Variants in SEC24B observed in about 807,000 individuals in gnomAD.
The protein encoded by SEC24B is SEC24 homolog B, COPII component, also known as protein transport protein Sec24B.
In SEC24B, 45 loss-of-function variants were observed where a neutral mutation model predicts 142.8. The observed-to-expected ratio is 0.32, with a 90% CI of 0.25 to 0.40. The LOEUF is 0.40. Ranked by LOEUF, SEC24B falls within the 10% of genes least tolerant of loss-of-function variation. The probability of loss-of-function intolerance (pLI) is 1.00; values close to 1 mark genes in which losing one functional copy is unlikely to be tolerated. For synonymous variants in SEC24B, 574 were observed against 568.2 expected, an observed-to-expected ratio of 1.01 and a Z score of -0.15; for missense variants, 1,409 against 1,526.8, an observed-to-expected ratio of 0.92 and a Z score of 1.29.
intron 4 of SEC24B, among the ~76,000 whole-genome samples, chr4:109,486,511 A>T (rs1734371062): frequency 6.6e-6 from 1 of 152,112 alleles, no homozygotes; most frequent in Non-Finnish European, 1.5e-5. Context: ...ACTTCTTTAG[A>T]TTTCAGCTCC....
chr4:109,436,616 CA>C lies in SEC24B; in HGVS notation c.133+2615del, dbSNP rs555001046. On this transcript the variant is annotated intron_variant, in intron 1 of 23. Coordinates refer to ENST00000265175, the MANE Select transcript of SEC24B (RefSeq NM_006323.5). ...TGCTACTCATAAGGAGTCTTTTGATCACATTTGAGTTTGTGCTAATGAGATG... is the reference window on the plus strand; with the variant it reads ...TGCTACTCATAAGGAGTCTTTTGATCCATTTGAGTTTGTGCTAATGAGATG... 2.6e-3 allele frequency among the ~76,000 whole-genome samples: 394 copies of C among 152,320 alleles called. 2 individuals carry two copies. The highest frequency in any genetic ancestry group is 4.6e-3 in the Non-Finnish European group (313 of 68,044).
chr4:109,499,265 A>G (rs1035301487), intron 6 of SEC24B, among the ~76,000 whole-genome samples: 9 of 152,336 alleles, frequency 5.9e-5, no homozygotes, highest in South Asian at 2.1e-4. Context: ...GTTTAACAGT[A>G]TAAGAAGAAA....
intron 2 of SEC24B, among the ~76,000 whole-genome samples, chr4:109,463,932 C>T (rs1163699396): frequency 6.6e-6 from 1 of 152,092 alleles, no homozygotes; most frequent in Non-Finnish European, 1.5e-5. Flanking sequence ...GAATTAGATA[C>T]AGGGCAAAAT....
chr4:109,435,904 C>T (rs571963445), intron 1 of SEC24B, among the ~76,000 whole-genome samples: 6 of 152,066 alleles, frequency 3.9e-5, no homozygotes, highest in Non-Finnish European at 8.8e-5. Flanking sequence ...GAAAGGTTGA[C>T]TCTAGGCAGA....
chr4:109,501,493 T>G (rs1158918808), intron 6 of SEC24B, among the ~76,000 whole-genome samples: 1 of 152,360 alleles, frequency 6.6e-6, no homozygotes, highest in East Asian at 1.9e-4. Flanking sequence ...TTTTGTGAGA[T>G]GAAGTCTCAC....
At chr4:109,439,624 C>T (rs1728749086) in intron 1 of SEC24B, among the ~76,000 whole-genome samples, 1 of 149,868 alleles carries the variant, frequency 6.7e-6, no homozygotes, top group African/African-American at 2.4e-5. Context: ...TGCTCAGCCT[C>T]CCGAGTAGCT....
rs539760739 is a variant in SEC24B, at chr4:109,513,314, C to T, written c.1904-433C>T. On this transcript the variant is annotated intron_variant, in intron 9 of 23. Transcript: ENST00000265175. ...TTTTTTTTTTTCGGAGACAGAGTCTCACTCTGTCGCCTAGGCTGGAGTGCA... is the reference window on the plus strand; with the variant it reads ...TTTTTTTTTTTCGGAGACAGAGTCTTACTCTGTCGCCTAGGCTGGAGTGCA... 3.4e-4 allele frequency among the ~76,000 whole-genome samples: 50 copies of T among 145,944 alleles called. No individual in the cohort carries two copies. The South Asian group carries it at 0.011, about 32-fold the overall frequency.
chr4:109,533,187 G>A (rs1029643429), intron 21 of SEC24B, among the ~76,000 whole-genome samples: 12 of 152,114 alleles, frequency 7.9e-5, no homozygotes, highest in African/African-American at 2.9e-4. Context: ...AGTTGTTGAA[G>A]GGAGTTAGAA....
chr4:109,522,521 C>G (rs977462883), intron 14 of SEC24B, among the ~76,000 whole-genome samples: 2 of 152,142 alleles, frequency 1.3e-5, no homozygotes, highest in African/African-American at 4.8e-5. Context: ...AAAAGTGCAA[C>G]TTGATTTTCT....
chr4:109,507,686 C>T (rs1437331817), intron 7 of SEC24B, among the ~76,000 whole-genome samples: 2 of 152,004 alleles, frequency 1.3e-5, no homozygotes, highest in East Asian at 1.9e-4. Context: ...GCTGTTGTTG[C>T]CCAGGCTGGA....
In SEC24B at chr4:109,490,071, G is replaced by C. The variant is rs78727151; in HGVS notation, c.1166-1256G>C. Among the ~76,000 whole-genome samples, 480 of 152,038 alleles carry C rather than the reference G, an allele frequency of 3.2e-3. 4 individuals carry two copies. The highest frequency in any genetic ancestry group is 0.01 in the African/African-American group (432 of 41,502). On this transcript the variant is annotated intron_variant, in intron 4 of 23. Coordinates refer to ENST00000265175, the MANE Select transcript of SEC24B (RefSeq NM_006323.5). ...GTCTTCATATCCACTGTCTCATTTAGACCTTATAAGAACATAAAAAACCAC... is the reference window on the plus strand; with the variant it reads ...GTCTTCATATCCACTGTCTCATTTACACCTTATAAGAACATAAAAAACCAC...
intron 3 of SEC24B, among the ~76,000 whole-genome samples, chr4:109,477,008 G>A (rs544668080): frequency 6.6e-6 from 1 of 150,586 alleles, no homozygotes; most frequent in Non-Finnish European, 1.5e-5. Flanking sequence ...GTAGTGGCGG[G>A]CGCCTGTAGT....
At chr4:109,524,760 G>C (rs1322722400) in intron 14 of SEC24B, 58 bp from the exon 15 acceptor site, 2 of 1,509,584 alleles carry the variant, frequency 1.3e-6, no homozygotes, top group East Asian at 4.7e-5. Flanking sequence ...TTATAAAAAT[G>C]ACATGAAAAT....
rs999705438 is a variant in SEC24B at position 109,463,497 on chromosome 4, C to A, written c.730C>A (p.Pro244Thr). 6.2e-7 allele frequency: 1 copy of A among 1,614,062 alleles called. No homozygotes were observed. The highest frequency in any genetic ancestry group is 8.5e-7 in the Non-Finnish European group (1 of 1,180,038). ...ISHPSPLPPLPSQQHHQQQSL... is the reference protein window; with the variant it reads ...ISHPSPLPPLTSQQHHQQQSL... ...CCATCCATCGCCACTTCCACCTCTA[C>A]CATCACAACAGCACCACCAGCAGCA... The change falls in exon 2 of 24, where the codon CCA becomes ACA. Residue 244 changes from proline to threonine, a missense_variant. Transcript: ENST00000265175.
At chr4:109,520,992 C>CA (rs35364322) in intron 12 of SEC24B, 125 bp from the exon 13 acceptor site, 58,082 of 619,344 alleles carry the variant, frequency 0.094, 3,113 homozygotes, top group Middle Eastern at 0.14. Flanking sequence ...AACTCCATCT[C>CA]AAAAAAATAA....
chr4:109,510,872 A>C (rs1737244878), intron 8 of SEC24B, among the ~76,000 whole-genome samples: 1 of 152,052 alleles, frequency 6.6e-6, no homozygotes, highest in African/African-American at 2.4e-5. Flanking sequence ...TCATTCATCC[A>C]AAAAATATTG....
intron 9 of SEC24B, among the ~76,000 whole-genome samples, chr4:109,512,647 CTATT>C (rs1430034303): frequency 1.3e-5 from 2 of 149,518 alleles, no homozygotes; most frequent in African/African-American, 4.9e-5. Context: ...TCCTTCTGAT[CTATT>C]TTTTTTTTTT....
chr4:109,503,751 T>C (rs555146391), intron 6 of SEC24B, among the ~76,000 whole-genome samples: 8 of 151,968 alleles, frequency 5.3e-5, no homozygotes, highest in African/African-American at 1.9e-4. Flanking sequence ...TTCTAGCTGG[T>C]TTTTTTTAGT....
chr4:109,466,657 G>C (rs944069667), intron 2 of SEC24B, among the ~76,000 whole-genome samples: 154 of 152,242 alleles, frequency 1.0e-3, no homozygotes, highest in Non-Finnish European at 1.9e-3. Flanking sequence ...TGATCCGCCC[G>C]CCTTGGCCTC....
Sources: allele counts gnomAD v4.1 joint callset (sites outside exome capture counted in the v4.1 genomes callset), GRCh38; gene constraint gnomAD v4.1.1; transcripts MANE v1.5; gene names NCBI Gene and HGNC (gene_info 2026-07-23, HGNC 2026-07-21).